Variants in TTC19 observed in about 807,000 individuals in gnomAD.
TTC19 encodes the protein tetratricopeptide repeat domain 19.
TTC19 carries 38 observed loss-of-function variants against 49.5 expected under a neutral mutation model. The ratio of observed to expected loss-of-function variants is 0.77; its 90% CI spans 0.59 to 1.01. The LOEUF is 1.01. Ranked by LOEUF, TTC19 falls within the 50% of genes least tolerant of loss-of-function variation. The probability of loss-of-function intolerance (pLI) is 0.00; values close to 1 mark genes in which losing one functional copy is unlikely to be tolerated. For missense variants in TTC19, 475 were observed against 477.7 expected, an observed-to-expected ratio of 0.99 and a Z score of 0.05; for synonymous variants, 204 against 185.2, an observed-to-expected ratio of 1.10 and a Z score of -0.83.
intron 2 of TTC19, chr17:16,035,044 G>T: frequency 8.8e-7 from 1 of 1,138,200 alleles, no homozygotes; most frequent in South Asian, 1.6e-5. Context: ...AAAGCAGAAT[G>T]GTAACATGAA....
At position 16,028,639 on chromosome 17, in the gene TTC19, G is replaced by A. The variant is rs916351897; in HGVS notation, c.*1117G>A. On this transcript the variant is annotated 3_prime_UTR_variant, in exon 10 of 10. Coordinates refer to ENST00000261647, the MANE Select transcript of TTC19 (RefSeq NM_017775.4). ...TTTTAGCCATTTACCTAAGGAAAAA[G>A]ACAGTTTTTCTAGGTACCATGAAGG... 1 of 453,724 alleles carries A rather than the reference G, an allele frequency of 2.2e-6. No homozygotes were observed. 28.1% of individuals were successfully genotyped at this position (453,724 alleles called of 1,614,324 possible). A position where few individuals can be genotyped will look rare whatever the true frequency, so the allele number is the denominator to read the frequency against.
At chr17:16,012,080 T>C (rs988267783) in intron 7 of TTC19, among the ~76,000 whole-genome samples, 1 of 152,216 alleles carries the variant, frequency 6.6e-6, no homozygotes, top group Non-Finnish European at 1.5e-5. Context: ...ATTGGAGCTT[T>C]ATTGTAAAAA....
intron 2 of TTC19, chr17:16,040,165 T>C (rs1299768505): frequency 1.8e-6 from 1 of 560,102 alleles, no homozygotes; most frequent in Admixed American, 2.2e-5. Context: ...CACACTTCTA[T>C]TAAAGTTACT....
Position 16,000,156 on chromosome 17 carries a change from G to C in TTC19, c.223G>C (p.Glu75Gln). ...CTCGAGGCCCGCTGCGGCAGAGGAG[G>C]AGGAGCAGCAGGGAGCCGACGGGGC... ...WFSRPAAAEE[E>Q]EQQGADGAAA... The change falls in exon 2 of 10, where the codon GAG becomes CAG. Residue 75 changes from glutamate to glutamine, a missense_variant. Physicochemically the swap from Glu to Gln is conservative, Grantham distance 29. Coordinates refer to ENST00000261647, the MANE Select transcript of TTC19 (RefSeq NM_017775.4). The C allele has an allele frequency of 1.3e-6, 2 of 1,587,884 alleles. No individual in the cohort carries two copies. The highest frequency in any genetic ancestry group is 8.5e-7 in the Non-Finnish European group (1 of 1,175,674).
chr17:16,027,302 T>C (rs751139457), intron 9 of TTC19, 72 bp from the exon 10 acceptor site: 15 of 1,572,186 alleles, frequency 9.5e-6, no homozygotes, highest in Middle Eastern at 1.7e-4. Flanking sequence ...TCTGCATTCA[T>C]GCTCTCTCTT....
chr17:15,999,839 C>A lies in TTC19; in HGVS notation c.-10C>A. The stretch of plus-strand genomic sequence containing the variant: ...TCTGGCCTGCAGTGCGCAGAGGACG[C>A]GGCGGGAGCATGTTCCGGCTCCTGA... On this transcript the variant is annotated 5_prime_UTR_variant, in exon 1 of 10. Coordinates refer to ENST00000261647, the MANE Select transcript of TTC19 (RefSeq NM_017775.4). The A allele has an allele frequency of 6.5e-7, 1 of 1,530,138 alleles. No individual in the cohort carries two copies. The highest frequency in any genetic ancestry group is 8.7e-7 in the Non-Finnish European group (1 of 1,146,758). The allele number at this position is 1,530,138 out of a possible 1,614,324, so 94.8% of individuals were successfully genotyped here.
intron 2 of TTC19, among the ~76,000 whole-genome samples, chr17:16,039,059 G>A (rs1478667824): frequency 6.6e-6 from 1 of 152,138 alleles, no homozygotes; most frequent in Non-Finnish European, 1.5e-5. Flanking sequence ...GTGAACCACC[G>A]CACCCGGCTG....
intron 7 of TTC19, among the ~76,000 whole-genome samples, chr17:16,021,908 G>T (rs1283171029): frequency 6.6e-6 from 1 of 152,160 alleles, no homozygotes; most frequent in Non-Finnish European, 1.5e-5. Context: ...CTCAGCTCCT[G>T]GCCGAAGTGG....
In TTC19 at chr17:15,999,902, G is replaced by A; in HGVS notation, c.54G>A (p.Gly18=). ...SLGRGFLRAA[G]RRCRGCSARL... ...GCCGAGGCTTCCTGCGGGCCGCGGG[G>A]CGGCGGTGCCGGGGCTGCTCCGCGC... The change falls in exon 1 of 10, where the codon GGG becomes GGA. Residue 18 remains glycine (G), a synonymous_variant. Coordinates refer to ENST00000261647, the MANE Select transcript of TTC19 (RefSeq NM_017775.4). The A allele has an allele frequency of 7.2e-7, 1 of 1,396,502 alleles. No homozygotes were observed. The highest frequency in any genetic ancestry group is 1.6e-5 in the South Asian group (1 of 62,730). 86.5% of individuals were successfully genotyped at this position (1,396,502 alleles called of 1,614,324 possible). A position where few individuals can be genotyped will look rare whatever the true frequency, so the allele number is the denominator to read the frequency against.
chr17:16,040,384 G>C, intron 2 of TTC19: 1 of 1,441,542 alleles, frequency 6.9e-7, no homozygotes, highest in Non-Finnish European at 9.7e-7. Flanking sequence ...CATATTTGTT[G>C]GACTGACTAC....
intron 8 of TTC19, among the ~76,000 whole-genome samples, chr17:16,025,724 C>G (rs2151683038): frequency 6.6e-6 from 1 of 152,242 alleles, no homozygotes; most frequent in Non-Finnish European, 1.5e-5. Context: ...CGAGTAAGTT[C>G]TTAGATGTAA....
Position 16,025,145 on chromosome 17 carries a change from G to A in TTC19, c.805G>A (p.Glu269Lys), listed in dbSNP as rs1210797956. 5 of 1,613,854 alleles carry A rather than the reference G, an allele frequency of 3.1e-6. No homozygotes were observed. Among genetic ancestry groups the A allele is most frequent in the East Asian group, 2.2e-5 (1 of 44,896 alleles). The change falls in exon 8 of 10, where the codon GAA becomes AAA. Residue 269 changes from glutamate to lysine, a missense_variant. Physicochemically the swap from Glu to Lys is moderately conservative, Grantham distance 56. Coordinates refer to ENST00000261647, the MANE Select transcript of TTC19 (RefSeq NM_017775.4). ...TGAAAAAGCTCTGCAGATTTCTGAA[G>A]AAATACAAGGAGAAAGACACCCACA... ...MYEKALQISE[E>K]IQGERHPQTI...
At chr17:16,024,989 G>T in intron 7 of TTC19, 28 bp from the exon 8 acceptor site, 2 of 1,613,024 alleles carry the variant, frequency 1.2e-6, no homozygotes, top group Non-Finnish European at 1.7e-6. Flanking sequence ...CATTTGGGTA[G>T]ATTTGCTGAT....
chr17:16,019,216 C>T (rs1971299246), intron 7 of TTC19, among the ~76,000 whole-genome samples: 1 of 152,130 alleles, frequency 6.6e-6, no homozygotes, highest in South Asian at 2.1e-4. Flanking sequence ...GCCTGTAATC[C>T]CCACTACTCG....
chr17:16,035,078 G>T, intron 2 of TTC19: 1 of 800,884 alleles, frequency 1.2e-6, no homozygotes, highest in Admixed American at 2.8e-5. Flanking sequence ...GGTACTCAAT[G>T]AAATAAAATA....
chr17:16,040,016 C>T (rs757126218), intron 2 of TTC19: 3 of 391,984 alleles, frequency 7.7e-6, no homozygotes, highest in Non-Finnish European at 1.5e-5. Flanking sequence ...TCTCGAATTC[C>T]GAACCTCAGG....
rs768968665 is a variant in TTC19 at position 16,025,004 on chromosome 17, C to G, written c.677-13C>G. ...CATTTGGGTAGATTTGCTGATTCCTCTTTTCTCCTTAGTGGAAGAGAAAGC... is the reference window on the plus strand; with the variant it reads ...CATTTGGGTAGATTTGCTGATTCCTGTTTTCTCCTTAGTGGAAGAGAAAGC... On this transcript the variant is annotated splice_polypyrimidine_tract_variant and intron_variant, in intron 7 of 9. Transcript: ENST00000261647. The G allele has an allele frequency of 2.1e-5, 34 of 1,613,680 alleles. No homozygotes were observed. Among genetic ancestry groups the G allele is most frequent in the Non-Finnish European group, 2.8e-5 (33 of 1,179,734 alleles).
chr17:16,031,875 T>TA, downstream of TTC19: 1 of 234,982 alleles, frequency 4.3e-6, no homozygotes, highest in Non-Finnish European at 8.4e-6. Flanking sequence ...AAAAGATTTT[T>TA]AAAAATCACC....
At chr17:16,004,117 C>A (rs1970823430) in intron 5 of TTC19, 84 bp from the exon 6 acceptor site, 1 of 1,361,860 alleles carries the variant, frequency 7.3e-7, no homozygotes, top group African/African-American at 1.4e-5. Context: ...GCTTTGAGGC[C>A]ACCGTCAGTC....
Sources: allele counts gnomAD v4.1 joint callset (sites outside exome capture counted in the v4.1 genomes callset), GRCh38; gene constraint gnomAD v4.1.1; transcripts MANE v1.5; gene names NCBI Gene and HGNC (gene_info 2026-07-23, HGNC 2026-07-21).